The following ANXA2 variants were observed in gnomAD, a reference collection of about 807,000 sequenced individuals.
The protein encoded by ANXA2 is annexin A2.
A neutral mutation model predicts 47.3 loss-of-function variants in ANXA2; 28 were observed. The observed-to-expected ratio is 0.59, with a 90% CI of 0.44 to 0.81. The LOEUF is 0.81. ANXA2 is among the 40% of genes least tolerant of loss of function. The pLI is 0.00. For synonymous variants in ANXA2, 172 were observed against 155.5 expected (o/e 1.11, Z -0.79); for missense variants, 384 against 414.3 (o/e 0.93, Z 0.64).
intron 1 of ANXA2, among the ~76,000 whole-genome samples, chr15:60,394,296 C>T (rs1347596236): frequency 2.0e-5 from 3 of 152,142 alleles, no homozygotes; most frequent in Admixed American, 6.5e-5. Context: ...ACAAAGGGCT[C>T]CATAACACAG....
At chr15:60,379,016 C>T (rs549607588) in intron 3 of ANXA2, among the ~76,000 whole-genome samples, 1 of 151,006 alleles carries the variant, frequency 6.6e-6, no homozygotes, top group Non-Finnish European at 1.5e-5. Flanking sequence ...CGCGGTGGCT[C>T]ACGGCTATAA....
Position 60,382,330 on chromosome 15 carries a change from T to C in ANXA2, c.148+12A>G, listed in dbSNP as rs908464445. On this transcript the variant is annotated intron_variant, in intron 3 of 12. Coordinates refer to ENST00000451270, the MANE Select transcript of ANXA2 (RefSeq NM_004039.3). Reference sequence around the variant, plus strand: ...AAGACCCTGACAAGAAGAGGACAAATGTATCACCTACCTTTGGTCTTGATG... The same window carrying C: ...AAGACCCTGACAAGAAGAGGACAAACGTATCACCTACCTTTGGTCTTGATG... 10 of 1,597,772 alleles carry C rather than the reference T, an allele frequency of 6.3e-6. No individual in the cohort carries two copies. The highest frequency in any genetic ancestry group is 4.0e-5 in the African/African-American group (3 of 74,534).
intron 5 of ANXA2, among the ~76,000 whole-genome samples, chr15:60,357,497 T>A (rs2123832): frequency 1 from 151,689 of 152,114 alleles, 75,633 homozygotes; most frequent in Middle Eastern, 1. Flanking sequence ...TTTTTTTTTT[T>A]AAGTAGTGAA....
Position 60,397,865 on chromosome 15 carries a change from C to A in ANXA2, c.-12+78G>T, listed in dbSNP as rs541632571. On this transcript the variant is annotated intron_variant, in intron 1 of 12. Transcript: ENST00000451270. ...CAGTTGCCGGGGCCTCCCTGCCAGG[C>A]CGTACCCTTCTTCCCAGCGTCTCCA... The A allele has an allele frequency of 1.4e-5, 19 of 1,384,764 alleles. No homozygotes were observed. The East Asian group carries it at 5.3e-4, about 39-fold the overall frequency. The allele number at this position is 1,384,764 out of a possible 1,614,324, so 85.8% of individuals were successfully genotyped here.
chr15:60,347,626 G>A lies in ANXA2; in HGVS notation c.*4C>T, dbSNP rs1164146947. On this transcript the variant is annotated 3_prime_UTR_variant, in exon 13 of 13. Transcript: ENST00000451270. ...ATTTCTGGACGCTCAGGCCGTGTCGGGCTTCAGTCATCTCCACCACACAGG... is the reference window on the plus strand; with the variant it reads ...ATTTCTGGACGCTCAGGCCGTGTCGAGCTTCAGTCATCTCCACCACACAGG... 1.9e-6 allele frequency: 3 copies of A among 1,614,014 alleles called. No homozygotes were observed. The highest frequency in any genetic ancestry group is 2.5e-6 in the Non-Finnish European group (3 of 1,180,002).
intron 3 of ANXA2, among the ~76,000 whole-genome samples, chr15:60,364,933 G>A (rs1421810670): frequency 6.6e-6 from 1 of 150,492 alleles, no homozygotes. Context: ...ACTGCAAACT[G>A]AATTAATAGA....
At position 60,361,486 on chromosome 15, in the gene ANXA2, A is replaced by G. The variant is rs2062513160; in HGVS notation, c.244-432T>C. ...AGCAGATCTTGTGGCCTCCCGATAT[A>G]CTGTAAAAGACGTGGGGGCAGCCAT... is the stretch of plus-strand genomic sequence containing the variant. On this transcript the variant is annotated intron_variant, in intron 4 of 12. Coordinates refer to ENST00000451270, the MANE Select transcript of ANXA2 (RefSeq NM_004039.3). 2.9e-5 allele frequency: 5 copies of G among 170,836 alleles called. No homozygotes were observed. In the South Asian group the frequency reaches 7.0e-4, roughly 24 times the overall value. 10.6% of individuals were successfully genotyped at this position (170,836 alleles called of 1,614,324 possible). A position where few individuals can be genotyped will look rare whatever the true frequency, so the allele number is the denominator to read the frequency against.
intron 5 of ANXA2, among the ~76,000 whole-genome samples, chr15:60,357,735 A>C (rs1026574336): frequency 1.3e-5 from 2 of 151,896 alleles, no homozygotes; most frequent in African/African-American, 4.8e-5. Context: ...TGGAGCTTGC[A>C]GTGAGCCGAG....
rs957752975 is a variant in ANXA2 at position 60,365,805 on chromosome 15, T to C, written c.149-1282A>G. On this transcript the variant is annotated intron_variant, in intron 3 of 12. Coordinates refer to ENST00000451270, the MANE Select transcript of ANXA2 (RefSeq NM_004039.3). ...ATTTTTAGAGTAGCCAAGGTAAACA[T>C]AGAAATCCAATTGCTGCTGAGTCTC... 3.2e-4 allele frequency among the ~76,000 whole-genome samples: 49 copies of C among 151,256 alleles called. 1 individual carries two copies. Among genetic ancestry groups the C allele is most frequent in the Non-Finnish European group, 5.9e-4 (40 of 67,788 alleles).
At chr15:60,348,951 C>G in intron 12 of ANXA2, 124 bp downstream of exon 12, 1 of 1,077,974 alleles carries the variant, frequency 9.3e-7, no homozygotes, top group Non-Finnish European at 1.4e-6. Flanking sequence ...TGATGACTAG[C>G]ATCTCTTCCC....
At chr15:60,361,388 T>C in intron 4 of ANXA2, 1 of 244,798 alleles carries the variant, frequency 4.1e-6, no homozygotes, top group Non-Finnish European at 8.1e-6. Context: ...TAACACTCCG[T>C]GGAAGGCAGG....
At chr15:60,397,798 C>T in intron 1 of ANXA2, 145 bp downstream of exon 1, 1 of 1,294,834 alleles carries the variant, frequency 7.7e-7, no homozygotes, top group Non-Finnish European at 1.0e-6. Context: ...TCTCCAGTGC[C>T]GGCCGTCCCT....
intron 12 of ANXA2, 125 bp downstream of exon 12, chr15:60,348,950 G>C (rs2140758960): frequency 9.4e-7 from 1 of 1,068,374 alleles, no homozygotes; most frequent in Admixed American, 2.1e-5. Context: ...TTGATGACTA[G>C]CATCTCTTCC....
At chr15:60,355,776 A>T (rs1253429772) in intron 7 of ANXA2, 143 bp downstream of exon 7, 1 of 760,530 alleles carries the variant, frequency 1.3e-6, no homozygotes, top group Non-Finnish European at 2.4e-6. Flanking sequence ...CTCTGCAGTG[A>T]CAGTGCAAAC....
chr15:60,353,644 C>G (rs2062381895), intron 8 of ANXA2, among the ~76,000 whole-genome samples: 1 of 152,160 alleles, frequency 6.6e-6, no homozygotes, highest in Non-Finnish European at 1.5e-5. Flanking sequence ...GCCTAATCCC[C>G]TCCCACTGAG....
intron 4 of ANXA2, among the ~76,000 whole-genome samples, chr15:60,364,008 A>G (rs1377205068): frequency 6.6e-6 from 1 of 152,166 alleles, no homozygotes; most frequent in Non-Finnish European, 1.5e-5. Context: ...CTAACTTTCT[A>G]TTCCCAGAAG....
intron 1 of ANXA2, among the ~76,000 whole-genome samples, chr15:60,388,455 C>T (rs1249020422): frequency 6.6e-6 from 1 of 151,828 alleles, no homozygotes; most frequent in African/African-American, 2.4e-5. Flanking sequence ...TCAAGTGATC[C>T]AAGCACTGAG....
chr15:60,377,884 G>T (rs1840261), intron 3 of ANXA2, among the ~76,000 whole-genome samples: 151,843 of 152,154 alleles, frequency 1, 75,767 homozygotes, highest in Non-Finnish European at 1. Flanking sequence ...GGTCAGGAGT[G>T]CGAGACGAGC....
intron 6 of ANXA2, 39 bp from the exon 7 acceptor site, chr15:60,356,037 G>A: frequency 6.6e-7 from 1 of 1,523,848 alleles, no homozygotes; most frequent in Non-Finnish European, 9.1e-7. Context: ...CTTTCTGCCT[G>A]TGTAGCCAAC....
Sources: allele counts gnomAD v4.1 joint callset (sites outside exome capture counted in the v4.1 genomes callset), GRCh38; gene constraint gnomAD v4.1.1; transcripts MANE v1.5; gene names NCBI Gene and HGNC (gene_info 2026-07-23, HGNC 2026-07-21).